The following GRM1 variants were observed in gnomAD, a reference collection of about 807,000 sequenced individuals.
GRM1 encodes metabotropic glutamate receptor 1.
Under a neutral mutation model 90.9 loss-of-function variants are expected in GRM1, and 33 were observed. The observed-to-expected ratio is 0.36, with a 90% CI of 0.28 to 0.49. The LOEUF (loss-of-function observed/expected upper bound fraction) is 0.49. Among genes scored for constraint, GRM1 ranks in the 20% least tolerant of loss-of-function variants. GRM1 has a pLI of 0.99. For synonymous variants in GRM1, 700 were observed against 613.2 expected, an observed-to-expected ratio of 1.14 and a Z score of -2.09; for missense variants, 1,190 against 1,534.3, an observed-to-expected ratio of 0.78 and a Z score of 3.75.
At chr6:146,285,918 T>A (rs1375037398) in intron 2 of GRM1, among the ~76,000 whole-genome samples, 1 of 152,218 alleles carries the variant, frequency 6.6e-6, no homozygotes, top group Non-Finnish European at 1.5e-5. Context: ...ATATTTCATA[T>A]TTTTAATACG....
chr6:146,292,836 T>G (rs1783036578), intron 2 of GRM1, among the ~76,000 whole-genome samples: 1 of 151,978 alleles, frequency 6.6e-6, no homozygotes, highest in South Asian at 2.1e-4. Context: ...AGAAGCACTA[T>G]TCATGATAGC....
At chr6:146,065,039 C>T (rs1273192866) in intron 1 of GRM1, among the ~76,000 whole-genome samples, 2 of 151,902 alleles carry the variant, frequency 1.3e-5, no homozygotes, top group African/African-American at 2.4e-5. Flanking sequence ...TAAAGTTTTT[C>T]CTTATAAAAC....
At chr6:146,031,312 T>C (rs899762583) in intron 1 of GRM1, among the ~76,000 whole-genome samples, 2 of 152,154 alleles carry the variant, frequency 1.3e-5, no homozygotes, top group Non-Finnish European at 2.9e-5. Context: ...AAGAAGACAA[T>C]CTTGCTGGTA....
intron 1 of GRM1, among the ~76,000 whole-genome samples, chr6:146,032,686 A>G (rs962106609): frequency 3.0e-4 from 45 of 152,198 alleles, no homozygotes; most frequent in Non-Finnish European, 5.9e-4. Flanking sequence ...GATATTGGCA[A>G]CTTAGGGCTT....
chr6:146,154,322 C>A (rs912887329), intron 1 of GRM1, among the ~76,000 whole-genome samples: 3 of 152,178 alleles, frequency 2.0e-5, no homozygotes, highest in African/African-American at 7.2e-5. Flanking sequence ...CCTGAACCTG[C>A]ATGTATTGTG....
chr6:146,271,336 T>C (rs1325859849), intron 2 of GRM1, among the ~76,000 whole-genome samples: 7 of 152,068 alleles, frequency 4.6e-5, no homozygotes, highest in Non-Finnish European at 1.0e-4. Flanking sequence ...GCTCTAGTGA[T>C]ATCCAGTTGA....
Position 146,398,756 on chromosome 6 carries a change from T to C in GRM1, c.1730-13T>C. 1 of 1,584,768 alleles carries C rather than the reference T, an allele frequency of 6.3e-7. No homozygotes were observed. Among genetic ancestry groups the C allele is most frequent in the Non-Finnish European group, 8.7e-7 (1 of 1,153,078 alleles). ...ACCTTGGATTCATGCTCAAATGATT[T>C]TTCTCATCACAGGCTGTGAGCCCAT... On this transcript the variant is annotated splice_polypyrimidine_tract_variant and intron_variant, in intron 6 of 7. Coordinates refer to ENST00000282753, the MANE Select transcript of GRM1 (RefSeq NM_001278064.2).
chr6:146,113,222 T>C (rs780195157), intron 1 of GRM1, among the ~76,000 whole-genome samples: 8 of 152,188 alleles, frequency 5.3e-5, no homozygotes, highest in Admixed American at 2.0e-4. Context: ...GTGTTTCCTC[T>C]ACACTGCCAA....
chr6:146,071,737 T>G (rs79776770), intron 1 of GRM1, among the ~76,000 whole-genome samples: 2 of 152,096 alleles, frequency 1.3e-5, no homozygotes, highest in African/African-American at 2.4e-5. Context: ...ACAGTCATGA[T>G]AAAACCTTGA....
At chr6:146,036,207 C>T (rs567105661) in intron 1 of GRM1, among the ~76,000 whole-genome samples, 16 of 151,972 alleles carry the variant, frequency 1.1e-4, no homozygotes, top group African/African-American at 1.9e-4. Context: ...GTCGTGTTTT[C>T]GGCATACACT....
At chr6:146,168,895 G>C (rs1778005213) in intron 2 of GRM1, among the ~76,000 whole-genome samples, 1 of 151,956 alleles carries the variant, frequency 6.6e-6, no homozygotes, top group Non-Finnish European at 1.5e-5. Context: ...CACTAGTATT[G>C]AGTCATTTTA....
chr6:146,170,608 G>C (rs572464705), intron 2 of GRM1, among the ~76,000 whole-genome samples: 1 of 151,746 alleles, frequency 6.6e-6, no homozygotes, highest in South Asian at 2.1e-4. Context: ...AATTAATTTT[G>C]GTCCTTGTTT....
At chr6:146,165,380 T>C (rs1583098842) in intron 2 of GRM1, among the ~76,000 whole-genome samples, 1 of 152,286 alleles carries the variant, frequency 6.6e-6, no homozygotes, top group East Asian at 1.9e-4. Flanking sequence ...TGAGTTATTT[T>C]AGTTTCATGT....
intron 4 of GRM1, among the ~76,000 whole-genome samples, chr6:146,353,955 C>A (rs927038885): frequency 6.6e-6 from 1 of 152,118 alleles, no homozygotes; most frequent in African/African-American, 2.4e-5. Flanking sequence ...AATGTCATTT[C>A]AGAAGTACTG....
At chr6:146,262,455 G>T (rs988810791) in intron 2 of GRM1, among the ~76,000 whole-genome samples, 2 of 151,650 alleles carry the variant, frequency 1.3e-5, no homozygotes, top group Admixed American at 6.6e-5. Flanking sequence ...ACAGAACAAT[G>T]AAAATATACA....
intron 1 of GRM1, among the ~76,000 whole-genome samples, chr6:146,151,060 A>G (rs547348828): frequency 1.3e-5 from 2 of 152,248 alleles, no homozygotes; most frequent in African/African-American, 2.4e-5. Flanking sequence ...TAAATGCGAC[A>G]TTCTCTTGTT....
chr6:146,327,771 G>C (rs1323451987), intron 3 of GRM1, among the ~76,000 whole-genome samples: 1 of 152,090 alleles, frequency 6.6e-6, no homozygotes, highest in Non-Finnish European at 1.5e-5. Flanking sequence ...CTCAGTCATC[G>C]CCATGTCTAT....
chr6:146,292,683 G>GCCCA (rs1783030307), intron 2 of GRM1, among the ~76,000 whole-genome samples: 1 of 151,878 alleles, frequency 6.6e-6, no homozygotes, highest in South Asian at 2.1e-4. Context: ...GTAGAATAGT[G>GCCCA]CAGCTGCCAA....
In GRM1 at chr6:146,434,895, C is replaced by A. The variant is rs1562701734; in HGVS notation, c.*99C>A. On this transcript the variant is annotated 3_prime_UTR_variant, in exon 8 of 8. Coordinates refer to ENST00000282753, the MANE Select transcript of GRM1 (RefSeq NM_001278064.2). Reference sequence around the variant, plus strand: ...GGAGGAAAAGCCTGGGAGTGGGGGGCCTCGTCGGGAGGACAGGAGACCGCT... The same window carrying A: ...GGAGGAAAAGCCTGGGAGTGGGGGGACTCGTCGGGAGGACAGGAGACCGCT... 4.7e-6 allele frequency: 5 copies of A among 1,060,482 alleles called. No individual in the cohort carries two copies. The highest frequency in any genetic ancestry group is 7.1e-6 in the Non-Finnish European group (5 of 702,114). The allele number at this position is 1,060,482 out of a possible 1,614,324, so 65.7% of individuals were successfully genotyped here.
Sources: allele counts gnomAD v4.1 joint callset (sites outside exome capture counted in the v4.1 genomes callset), GRCh38; gene constraint gnomAD v4.1.1; transcripts MANE v1.5; gene names NCBI Gene and HGNC (gene_info 2026-07-23, HGNC 2026-07-21).